SND1: variants seen among roughly 807,000 people sequenced by gnomAD.
SND1 encodes the protein staphylococcal nuclease and tudor domain containing 1.
Under a neutral mutation model 121.7 loss-of-function variants are expected in SND1, and 38 were observed. The ratio of observed to expected loss-of-function variants is 0.31; its 90% confidence interval spans 0.24 to 0.41. SND1 has a LOEUF of 0.41. Ranked by LOEUF, SND1 falls within the 10% of genes least tolerant of loss-of-function variation. The probability of loss-of-function intolerance (pLI) is 1.00; values close to 1 mark genes in which losing one functional copy is unlikely to be tolerated. For missense variants in SND1, 868 were observed against 1,184.6 expected, an observed-to-expected ratio of 0.73 and a Z score of 3.92; for synonymous variants, 401 against 447.4, an observed-to-expected ratio of 0.90 and a Z score of 1.31.
intron 10 of SND1, among the ~76,000 whole-genome samples, chr7:127,789,506 A>G (rs770263076): frequency 4.6e-5 from 7 of 152,224 alleles, no homozygotes; most frequent in African/African-American, 9.6e-5. Context: ...AAGAGAGACT[A>G]TCCTACATAA....
chr7:128,090,231 A>G (rs1793754812), intron 22 of SND1, among the ~76,000 whole-genome samples: 2 of 152,184 alleles, frequency 1.3e-5, no homozygotes, highest in Non-Finnish European at 2.9e-5. Flanking sequence ...CTCCCTGCTT[A>G]TGAAGTGAGG....
chr7:127,983,788 G>T (rs1802321949), intron 15 of SND1, among the ~76,000 whole-genome samples: 1 of 152,136 alleles, frequency 6.6e-6, no homozygotes, highest in African/African-American at 2.4e-5. Context: ...GTAAGCAGAG[G>T]AGTGGACTTA....
At chr7:127,705,345 A>G (rs1336932215) in intron 8 of SND1, among the ~76,000 whole-genome samples, 1 of 152,228 alleles carries the variant, frequency 6.6e-6, no homozygotes, top group Non-Finnish European at 1.5e-5. Context: ...ATGGAAAGAC[A>G]GAGCCTGTAG....
At chr7:128,083,183 GA>G (rs1793634469) in intron 18 of SND1, among the ~76,000 whole-genome samples, 1 of 152,208 alleles carries the variant, frequency 6.6e-6, no homozygotes. Flanking sequence ...GGGATCTGAC[GA>G]AAACATTGCC....
chr7:128,028,395 T>C, intron 16 of SND1: 1 of 323,982 alleles, frequency 3.1e-6, no homozygotes, highest in East Asian at 5.9e-5. Flanking sequence ...ATTTCAACCT[T>C]ATACCAGAAA....
intron 12 of SND1, among the ~76,000 whole-genome samples, chr7:127,873,369 AC>A (rs1327061616): frequency 1.3e-5 from 2 of 152,064 alleles, no homozygotes; most frequent in African/African-American, 2.4e-5. Context: ...ATTAATCACT[AC>A]CCAGCCACCT....
chr7:127,908,229 G>T (rs1175586939), intron 14 of SND1, among the ~76,000 whole-genome samples: 4 of 151,726 alleles, frequency 2.6e-5, no homozygotes, highest in African/African-American at 9.7e-5. Flanking sequence ...GAGGTGGGAG[G>T]ATTGCTTAAG....
chr7:127,829,608 A>G (rs1798703758), intron 11 of SND1, among the ~76,000 whole-genome samples: 1 of 152,160 alleles, frequency 6.6e-6, no homozygotes. Context: ...TTTTTTATTA[A>G]AGTGGTTCTC....
At chr7:127,703,462 C>T in intron 7 of SND1, 139 bp downstream of exon 7, 1 of 1,039,584 alleles carries the variant, frequency 9.6e-7, no homozygotes, top group South Asian at 1.7e-5. Context: ...GCCTGTAATC[C>T]CACCACTTTG....
chr7:128,016,567 A>G (rs2116956565), intron 16 of SND1, among the ~76,000 whole-genome samples: 1 of 152,290 alleles, frequency 6.6e-6, no homozygotes, highest in South Asian at 2.1e-4. Flanking sequence ...CTGAAATGTC[A>G]TGGTTACCTC....
intron 10 of SND1, among the ~76,000 whole-genome samples, chr7:127,797,261 A>G (rs1182291701): frequency 6.6e-6 from 1 of 152,214 alleles, no homozygotes; most frequent in African/African-American, 2.4e-5. Flanking sequence ...TTGGGCCACA[A>G]TCACTGTGTA....
chr7:127,903,639 T>G (rs1240988169), intron 13 of SND1, among the ~76,000 whole-genome samples: 1 of 152,110 alleles, frequency 6.6e-6, no homozygotes, highest in Non-Finnish European at 1.5e-5. Context: ...CTATTCTACC[T>G]AGCACTGAGC....
chr7:127,785,664 GTA>G (rs1797799926), intron 10 of SND1, among the ~76,000 whole-genome samples: 1 of 152,176 alleles, frequency 6.6e-6, no homozygotes, highest in Non-Finnish European at 1.5e-5. Context: ...CCTCAAATGT[GTA>G]TCTAAAGTCT....
At chr7:127,812,137 T>C (rs930810236) in intron 11 of SND1, among the ~76,000 whole-genome samples, 2 of 152,258 alleles carry the variant, frequency 1.3e-5, no homozygotes, top group African/African-American at 4.8e-5. Flanking sequence ...CTATGCTGAA[T>C]TAAAGACTTT....
intron 1 of SND1, among the ~76,000 whole-genome samples, chr7:127,661,086 TG>T (rs1795301544): frequency 6.6e-6 from 1 of 152,106 alleles, no homozygotes; most frequent in Non-Finnish European, 1.5e-5. Context: ...TGTATGTATG[TG>T]GGGGTGGGTG....
intron 16 of SND1, among the ~76,000 whole-genome samples, chr7:128,010,732 T>A (rs149050383): frequency 1.6e-3 from 239 of 152,312 alleles, no homozygotes; most frequent in Non-Finnish European, 2.7e-3. Flanking sequence ...AGGCAGTGGG[T>A]CCATAAAGCA....
chr7:127,810,496 T>G (rs146913259), intron 11 of SND1, among the ~76,000 whole-genome samples: 6 of 152,340 alleles, frequency 3.9e-5, no homozygotes, highest in African/African-American at 1.4e-4. Context: ...TTGTGTTAAT[T>G]TCTTCACAGG....
chr7:127,828,993 T>G (rs56347144), intron 11 of SND1, among the ~76,000 whole-genome samples: 2,597 of 152,298 alleles, frequency 0.017, 92 homozygotes, highest in African/African-American at 0.059. Flanking sequence ...GCTTAGCTGA[T>G]CTGAAGAGCA....
intron 10 of SND1, among the ~76,000 whole-genome samples, chr7:127,797,646 A>C (rs548737644): frequency 6.6e-6 from 1 of 152,054 alleles, no homozygotes; most frequent in Admixed American, 6.6e-5. Flanking sequence ...TTTGTTTTCA[A>C]TTTTCTTCAG....
Sources: gnomAD v4.1 joint callset for allele counts (sites outside exome capture counted in the v4.1 genomes callset) on GRCh38, gnomAD v4.1.1 for gene constraint, MANE v1.5 for transcripts, NCBI Gene and HGNC (gene_info 2026-07-23, HGNC 2026-07-21) for gene names.